The following MUC5B variants were observed in gnomAD, a reference collection of about 807,000 sequenced individuals.
MUC5B encodes mucin-5B.
In MUC5B, 116 loss-of-function variants were observed where a neutral mutation model predicts 376.9. That is an observed-to-expected ratio of 0.31 (90% confidence interval 0.26 to 0.36). The LOEUF is 0.36. Ranked by LOEUF, MUC5B falls within the 10% of genes least tolerant of loss-of-function variation. MUC5B has a pLI of 1.00. For missense variants in MUC5B, 7,165 were observed against 7,769.9 expected, an observed-to-expected ratio of 0.92 and a Z score of 2.93; for synonymous variants, 3,517 against 3,390.9, an observed-to-expected ratio of 1.04 and a Z score of -1.29.
Position 1,249,851 on chromosome 11 carries a change from C to A in MUC5B, c.12971C>A (p.Thr4324Lys). 1 of 1,613,724 alleles carries A rather than the reference C, an allele frequency of 6.2e-7. No individual in the cohort carries two copies. The highest frequency in any genetic ancestry group is 1.1e-5 in the South Asian group (1 of 91,070). Residue 4324 changes from threonine to lysine, a missense_variant, in exon 31 of 49, where the codon ACA (threonine) becomes AAA (lysine). Physicochemically the swap from Thr to Lys is moderately conservative, Grantham distance 78. Around this residue, in one of 31 missense-constraint regions of MUC5B, gnomAD observed 431 missense variants for 390.4 expected, o/e 1.10. Coordinates refer to ENST00000529681, the MANE Select transcript of MUC5B (RefSeq NM_002458.3). ...TATKSTATSV[T>K]PIPSSTLGTT... ...ACCAAATCCACAGCTACCAGCGTTACACCCATCCCCTCCTCCACCCTTGGG... is the reference window on the plus strand; with the variant it reads ...ACCAAATCCACAGCTACCAGCGTTAAACCCATCCCCTCCTCCACCCTTGGG...
Position 1,247,762 on chromosome 11 carries a change from C to A in MUC5B, c.10882C>A (p.Arg3628=), listed in dbSNP as rs376672533. 1.2e-6 allele frequency: 2 copies of A among 1,606,818 alleles called. No homozygotes were observed. The highest frequency in any genetic ancestry group is 8.5e-7 in the Non-Finnish European group (1 of 1,177,350). ...CCAGGCCCAGCCTGGTGTCCCCCTG[C>A]GGGAGTTGGGCCAGGTCGTGGAATG... ...RAQAQPGVPL[R]ELGQVVECSL... is the part of the protein sequence containing the mutation. The change falls in exon 31 of 49, where the codon CGG becomes AGG. Residue 3628 remains arginine (R), a synonymous_variant. Transcript: ENST00000529681.
Position 1,244,038 on chromosome 11 carries a change from C to G in MUC5B, c.7158C>G (p.Val2386=). ...VVECSLDFGL[V]CRNREQVGKF... ...AATGCAGCCTGGACTTTGGCCTGGTCTGCAGGAACCGTGAGCAGGTGGGGA... is the reference window on the plus strand; with the variant it reads ...AATGCAGCCTGGACTTTGGCCTGGTGTGCAGGAACCGTGAGCAGGTGGGGA... Residue 2386 remains valine, a synonymous_variant, in exon 31 of 49, where the codon GTC becomes GTG. Transcript: ENST00000529681. The G allele has an allele frequency of 6.3e-7, 1 of 1,587,952 alleles. No homozygotes were observed. The highest frequency in any genetic ancestry group is 8.6e-7 in the Non-Finnish European group (1 of 1,160,150).
chr11:1,244,715 C>G lies in MUC5B; in HGVS notation c.7835C>G (p.Thr2612Arg). The change falls in exon 31 of 49, where the codon ACA (threonine) becomes AGA (arginine). Residue 2612 changes from threonine (T) to arginine (R), a missense_variant. By Grantham distance (71) the Thr-to-Arg change is moderately conservative. Around this residue, in one of 31 missense-constraint regions of MUC5B, gnomAD observed 141 missense variants for 111.2 expected, o/e 1.27. Coordinates refer to ENST00000529681, the MANE Select transcript of MUC5B (RefSeq NM_002458.3). ...TAHTTKVLTT[T>R]TTGFTATPSS... ...CACACTACCAAAGTGCTGACTACCA[C>G]AACCACGGGCTTCACAGCCACCCCC... The G allele has an allele frequency of 6.2e-7, 1 of 1,612,934 alleles. No homozygotes were observed. Among genetic ancestry groups the G allele is most frequent in the African/African-American group, 1.3e-5 (1 of 74,872 alleles).
At position 1,233,332 on chromosome 11, in the gene MUC5B, G is replaced by A. The variant is rs959831480; in HGVS notation, c.2321+64G>A. The A allele has an allele frequency of 4.8e-6, 7 of 1,446,144 alleles. No homozygotes were observed. The South Asian group carries it at 7.2e-5, about 15-fold the overall frequency. 89.6% of individuals were successfully genotyped at this position (1,446,144 alleles called of 1,614,324 possible). A position where few individuals can be genotyped will look rare whatever the true frequency, so the allele number is the denominator to read the frequency against. ...CTCAGAGCCACTTCCCGCCCTCCCCGAAGGCTTCTGTGCCTCCCCCCGAGG... is the reference window on the plus strand; with the variant it reads ...CTCAGAGCCACTTCCCGCCCTCCCCAAAGGCTTCTGTGCCTCCCCCCGAGG... On this transcript the variant is annotated intron_variant, in intron 18 of 48. Transcript: ENST00000529681.
chr11:1,260,104 GC>G lies in MUC5B; in HGVS notation c.16923+23del, dbSNP rs1666652291. 2 of 1,611,056 alleles carry G rather than the reference GC, an allele frequency of 1.2e-6. No individual in the cohort carries two copies. Among genetic ancestry groups the G allele is most frequent in the East Asian group, 2.2e-5 (1 of 44,868 alleles). On this transcript the variant is annotated intron_variant, in intron 46 of 48. Transcript: ENST00000529681. Reference sequence around the variant, plus strand: ...CTGCAGGGTGTGTGCTGGAGGCCCTGCCCCTGCCTGGGAGTCCTTGTCCATC... The same window carrying G: ...CTGCAGGGTGTGTGCTGGAGGCCCTGCCCTGCCTGGGAGTCCTTGTCCATC...
chr11:1,230,785 G>T, intron 12 of MUC5B, 151 bp from the exon 13 acceptor site: 1 of 1,003,030 alleles, frequency 1.0e-6, no homozygotes, highest in Non-Finnish European at 1.5e-6. Context: ...TCCTCCCGGG[G>T]GGGCAATTGC....
chr11:1,233,938 C>T lies in MUC5B; in HGVS notation c.2377+90C>T, dbSNP rs1300593561. 14 of 1,331,630 alleles carry T rather than the reference C, an allele frequency of 1.1e-5. No homozygotes were observed. In the South Asian group the frequency reaches 1.5e-4, roughly 15 times the overall value. The allele number at this position is 1,331,630 out of a possible 1,614,324, so 82.5% of individuals were successfully genotyped here. On this transcript the variant is annotated intron_variant, in intron 19 of 48. Coordinates refer to ENST00000529681, the MANE Select transcript of MUC5B (RefSeq NM_002458.3). ...CAACACGCCCCACCCTGCCCCACCCCACCTGAACCCTGCCGGGCCAGGTCA... is the reference window on the plus strand; with the variant it reads ...CAACACGCCCCACCCTGCCCCACCCTACCTGAACCCTGCCGGGCCAGGTCA...
At position 1,257,737 on chromosome 11, in the gene MUC5B, C is replaced by A; in HGVS notation, c.16450+27C>A. On this transcript the variant is annotated intron_variant, in intron 41 of 48. Transcript: ENST00000529681. The surrounding 1 kb of genome is among the most constrained non-coding windows in gnomAD (Gnocchi z 8.9). ...TAAGACGCTGCAGAGCAGAGGTGCC[C>A]GGCATAGGGTGAGGGGGGACAGAGC... 6.6e-7 allele frequency: 1 copy of A among 1,522,468 alleles called. No individual in the cohort carries two copies. Among genetic ancestry groups the A allele is most frequent in the South Asian group, 1.2e-5 (1 of 82,666 alleles). The allele number at this position is 1,522,468 out of a possible 1,614,324, so 94.3% of individuals were successfully genotyped here. A position where few individuals can be genotyped will look rare whatever the true frequency, so the allele number is the denominator to read the frequency against.
rs563378957 is a variant in MUC5B, at chr11:1,243,287, C to T, written c.6407C>T (p.Thr2136Met). 61 of 1,556,408 alleles carry T rather than the reference C, an allele frequency of 3.9e-5. No individual in the cohort carries two copies. The African/African-American group carries it at 4.4e-4, about 11-fold the overall frequency. Residue 2136 changes from threonine (T) to methionine (M), a missense_variant, in exon 31 of 49, where the codon ACG (threonine) becomes ATG (methionine). Coordinates refer to ENST00000529681, the MANE Select transcript of MUC5B (RefSeq NM_002458.3). ...TSGTPPSLTT[T>M]ATTITATGST... ...GGTACTCCCCCATCACTGACCACCA[C>T]GGCCACTACGATCACGGCCACCGGC... is the stretch of plus-strand genomic sequence containing the variant.
rs377718048 is a variant in MUC5B, at chr11:1,245,420, A to C, written c.8540A>C (p.Lys2847Thr). ...SRTTATATPS[K>T]TRTSTLLPSS... is the part of the protein sequence containing the mutation. ...ACCACGGCCACGGCCACACCCAGCA[A>C]GACCCGCACCTCGACCCTGCTGCCC... The change falls in exon 31 of 49, where the codon AAG becomes ACG. Residue 2847 changes from lysine to threonine, a missense_variant. Transcript: ENST00000529681. The C allele has an allele frequency of 8.3e-5, 130 of 1,558,000 alleles. 5 individuals carry two copies. In the African/African-American group the frequency reaches 1.8e-3, roughly 21 times the overall value.
Position 1,250,915 on chromosome 11 carries a change from T to C in MUC5B, c.14035T>C (p.Ser4679Pro). 1 of 1,591,620 alleles carries C rather than the reference T, an allele frequency of 6.3e-7. No individual in the cohort carries two copies. Among genetic ancestry groups the C allele is most frequent in the Non-Finnish European group, 8.6e-7 (1 of 1,169,488 alleles). The change falls in exon 31 of 49, where the codon TCA becomes CCA. Residue 4679 changes from serine to proline, a missense_variant. By Grantham distance (74) the Ser-to-Pro change is moderately conservative (BLOSUM62 -1). This residue lies in a region of MUC5B where 730 missense variants were observed against 592.7 expected (regional missense o/e 1.23). Coordinates refer to ENST00000529681, the MANE Select transcript of MUC5B (RefSeq NM_002458.3). ...SSTQTSGTPP[S>P]LTTTATTITA... ...CACACAGACCAGTGGTACTCCCCCA[T>C]CACTGACCACCACGGCCACTACGAT...
chr11:1,254,584 G>T, intron 34 of MUC5B, 110 bp from the exon 35 acceptor site: 2 of 1,276,942 alleles, frequency 1.6e-6, no homozygotes, highest in Non-Finnish European at 2.1e-6. Context: ...TGGGGTGGGG[G>T]ATACACAGGG....
rs1003196358 is a variant in MUC5B, at chr11:1,241,382, C to T, written c.4502C>T (p.Thr1501Ile). 2.5e-6 allele frequency: 4 copies of T among 1,613,562 alleles called. No individual in the cohort carries two copies. Among genetic ancestry groups the T allele is most frequent in the Non-Finnish European group, 3.4e-6 (4 of 1,179,644 alleles). ...GTCACCCCCTCGGCCCCAGGTACCACCACCTGCCAGCCCCGGTGTCAGTGG... is the reference window on the plus strand; with the variant it reads ...GTCACCCCCTCGGCCCCAGGTACCATCACCTGCCAGCCCCGGTGTCAGTGG... The part of the protein sequence containing the change: ...VTVTPSAPGT[T>I]TCQPRCQWTE... Residue 1501 changes from threonine to isoleucine, a missense_variant, in exon 31 of 49, where the codon ACC becomes ATC. Transcript: ENST00000529681.
chr11:1,232,602 AG>A (rs1227240830), intron 16 of MUC5B, 41 bp from the exon 17 acceptor site: 12 of 1,602,124 alleles, frequency 7.5e-6, no homozygotes, highest in Non-Finnish European at 9.4e-6. Flanking sequence ...GAGCCCTGGC[AG>A]GCTGGGGTCC....
Position 1,260,095 on chromosome 11 carries a change from G to A in MUC5B, c.16923+10G>A, listed in dbSNP as rs767399954. ...TGTGTCCAGCTGCAGGGTGTGTGCTGGAGGCCCTGCCCCTGCCTGGGAGTC... is the reference window on the plus strand; with the variant it reads ...TGTGTCCAGCTGCAGGGTGTGTGCTAGAGGCCCTGCCCCTGCCTGGGAGTC... On this transcript the variant is annotated intron_variant, in intron 46 of 48. Transcript: ENST00000529681. The A allele has an allele frequency of 5.6e-6, 9 of 1,611,986 alleles. No homozygotes were observed. In the South Asian group the frequency reaches 6.6e-5, roughly 12 times the overall value.
intron 25 of MUC5B, 118 bp downstream of exon 25, chr11:1,237,282 ACG>A (rs1862181870): frequency 8.2e-7 from 1 of 1,219,262 alleles, no homozygotes; most frequent in Non-Finnish European, 1.0e-6. Context: ...ACCATGTCCC[ACG>A]GCACACAGTC....
chr11:1,240,421 C>A, intron 30 of MUC5B, 46 bp downstream of exon 30: 1 of 1,509,294 alleles, frequency 6.6e-7, no homozygotes. Context: ...GTCTGGGTGA[C>A]AAGGAGGACC....
At chr11:1,227,259 T>TG (rs1861909925) in intron 5 of MUC5B, 49 bp from the exon 6 acceptor site, 1 of 1,578,688 alleles carries the variant, frequency 6.3e-7, no homozygotes, top group Non-Finnish European at 8.7e-7. Flanking sequence ...ATGTTGCCAG[T>TG]GTGGGGATCA....
At position 1,235,366 on chromosome 11, in the gene MUC5B, G is replaced by A; in HGVS notation, c.2833G>A (p.Gly945Arg). ...CATCGTCACCGAGAACATCCCCTGT[G>A]GGACCACCGGCACCACCTGCTCCAA... ...FRIVTENIPCGTTGTTCSKAI... is the reference protein window; with the variant it reads ...FRIVTENIPCRTTGTTCSKAI... Residue 945 changes from glycine (G) to arginine (R), a missense_variant, in exon 23 of 49, where the codon GGG becomes AGG. Physicochemically the swap from Gly to Arg is moderately radical, Grantham distance 125 (BLOSUM62 -2). This residue lies in a region of MUC5B where 530 missense variants were observed against 604.0 expected (regional missense o/e 0.88). Coordinates refer to ENST00000529681, the MANE Select transcript of MUC5B (RefSeq NM_002458.3). The A allele has an allele frequency of 6.2e-7, 1 of 1,612,614 alleles. No individual in the cohort carries two copies. Among genetic ancestry groups the A allele is most frequent in the Non-Finnish European group, 8.5e-7 (1 of 1,179,760 alleles).
Sources: allele counts gnomAD v4.1 joint callset, GRCh38; gene constraint gnomAD v4.1.1; regional missense constraint gnomAD v4.1.1; non-coding constraint Gnocchi (gnomAD v3.1); transcripts MANE v1.5; gene names NCBI Gene and HGNC (gene_info 2026-07-23, HGNC 2026-07-21).